The following SLC4A4 variants were observed in gnomAD, a reference collection of about 807,000 sequenced individuals.
The protein encoded by SLC4A4 is solute carrier family 4 member 4.
SLC4A4 carries 27 observed loss-of-function variants against 111.5 expected under a neutral mutation model. That is an observed-to-expected ratio of 0.24 (90% CI 0.18 to 0.33). SLC4A4 has a LOEUF of 0.33. Among genes scored for constraint, SLC4A4 ranks in the 10% least tolerant of loss-of-function variants. SLC4A4 has a pLI of 1.00. For missense variants in SLC4A4, 909 were observed against 1,315.5 expected (o/e 0.69, Z 4.78); for synonymous variants, 443 against 463.4 (o/e 0.96, Z 0.57).
chr4:71,132,871 T>C (rs1018138536), intron 2 of SLC4A4, among the ~76,000 whole-genome samples: 27 of 152,180 alleles, frequency 1.8e-4, no homozygotes, highest in African/African-American at 6.3e-4. Flanking sequence ...AGTACATGCA[T>C]GTGTGTATCA....
intron 1 of SLC4A4, among the ~76,000 whole-genome samples, chr4:71,084,648 T>C (rs1055105708): frequency 6.6e-6 from 1 of 151,986 alleles, no homozygotes; most frequent in Non-Finnish European, 1.5e-5. Flanking sequence ...AGTAAGAACA[T>C]GCGGTGTTTG....
intron 14 of SLC4A4, among the ~76,000 whole-genome samples, chr4:71,480,126 A>G (rs1177867043): frequency 6.7e-6 from 1 of 150,354 alleles, no homozygotes; most frequent in Non-Finnish European, 1.5e-5. Context: ...GGCTCAAGTG[A>G]TCCTCCCACC....
At chr4:71,086,399 T>C (rs905788986) in intron 1 of SLC4A4, among the ~76,000 whole-genome samples, 4 of 151,922 alleles carry the variant, frequency 2.6e-5, no homozygotes, top group South Asian at 4.1e-4. Context: ...CCTTTATTTC[T>C]TTCTCCTGCC....
At chr4:71,469,624 A>G (rs1201273158) in intron 13 of SLC4A4, among the ~76,000 whole-genome samples, 2 of 151,976 alleles carry the variant, frequency 1.3e-5, no homozygotes, top group Non-Finnish European at 2.9e-5. Flanking sequence ...TGCTGTTTAA[A>G]TTTGGCACCA....
chr4:71,274,223 AG>A (rs1722908030), intron 3 of SLC4A4, among the ~76,000 whole-genome samples: 1 of 152,218 alleles, frequency 6.6e-6, no homozygotes. Context: ...CTACTGATTA[AG>A]TGGAAGTGGA....
At chr4:71,136,736 T>C (rs1185465441) in intron 2 of SLC4A4, among the ~76,000 whole-genome samples, 2 of 152,176 alleles carry the variant, frequency 1.3e-5, no homozygotes, top group African/African-American at 2.4e-5. Flanking sequence ...CAGTACTACC[T>C]CAAGGAGTGT....
At chr4:71,081,952 G>T (rs1327572024) in intron 1 of SLC4A4, among the ~76,000 whole-genome samples, 1 of 152,054 alleles carries the variant, frequency 6.6e-6, no homozygotes, top group Non-Finnish European at 1.5e-5. Flanking sequence ...GGTCCCCAGT[G>T]TCTGTGCTAT....
At chr4:71,430,948 A>G (rs1465627098) in intron 7 of SLC4A4, among the ~76,000 whole-genome samples, 1 of 152,130 alleles carries the variant, frequency 6.6e-6, no homozygotes, top group Non-Finnish European at 1.5e-5. Flanking sequence ...TCTTTTGTCC[A>G]CATATGTGGC....
At chr4:71,537,739 T>C (rs370269070) in intron 18 of SLC4A4, among the ~76,000 whole-genome samples, 12 of 151,950 alleles carry the variant, frequency 7.9e-5, no homozygotes, top group African/African-American at 2.7e-4. Context: ...GAGTATGCCA[T>C]GTTTAGAGTG....
At chr4:71,420,639 A>T (rs1425606070) in intron 7 of SLC4A4, among the ~76,000 whole-genome samples, 2 of 152,150 alleles carry the variant, frequency 1.3e-5, no homozygotes, top group Admixed American at 1.3e-4. Context: ...CGGATCTCTC[A>T]TCAGAAACCC....
intron 2 of SLC4A4, among the ~76,000 whole-genome samples, chr4:71,253,426 C>T (rs942696148): frequency 1.7e-4 from 26 of 151,906 alleles, no homozygotes; most frequent in South Asian, 4.2e-4. Context: ...TTTGCTTAGC[C>T]GCCATATTTA....
At chr4:71,481,606 G>A (rs1373912698) in intron 14 of SLC4A4, among the ~76,000 whole-genome samples, 1 of 151,610 alleles carries the variant, frequency 6.6e-6, no homozygotes, top group African/African-American at 2.4e-5. Flanking sequence ...TTCCATTATT[G>A]GAATGCTAAG....
intron 1 of SLC4A4, among the ~76,000 whole-genome samples, chr4:71,077,869 C>T (rs931588303): frequency 6.6e-6 from 1 of 152,130 alleles, no homozygotes; most frequent in African/African-American, 2.4e-5. Flanking sequence ...AGCATTTTCC[C>T]ATACATTAAC....
At chr4:71,139,245 C>G (rs977476553) in intron 2 of SLC4A4, among the ~76,000 whole-genome samples, 20 of 148,016 alleles carry the variant, frequency 1.4e-4, no homozygotes, top group African/African-American at 4.8e-4. Context: ...GACCTCACTC[C>G]CACTTAGCAA....
intron 1 of SLC4A4, among the ~76,000 whole-genome samples, chr4:71,067,883 G>A (rs1440575973): frequency 6.6e-6 from 1 of 151,794 alleles, no homozygotes; most frequent in East Asian, 1.9e-4. Flanking sequence ...GAGTAGCTGG[G>A]ACTACAGGCC....
At chr4:71,551,402 G>T (rs1735982340) in intron 20 of SLC4A4, among the ~76,000 whole-genome samples, 1 of 151,886 alleles carries the variant, frequency 6.6e-6, no homozygotes, top group South Asian at 2.1e-4. Context: ...TGGTAGAGAT[G>T]ATGGTAATGG....
chr4:71,080,983 TC>T (rs1175372980), intron 1 of SLC4A4, among the ~76,000 whole-genome samples: 1 of 152,118 alleles, frequency 6.6e-6, no homozygotes. Flanking sequence ...CCTGCTTCCT[TC>T]CTTTACTAAA....
At chr4:71,326,645 CT>C (rs1727524809) in intron 3 of SLC4A4, among the ~76,000 whole-genome samples, 1 of 152,036 alleles carries the variant, frequency 6.6e-6, no homozygotes, top group Admixed American at 6.6e-5. Context: ...ATTATCATCT[CT>C]GAAAAAGAGT....
At chr4:71,457,402 G>C (rs1420590658) in intron 12 of SLC4A4, among the ~76,000 whole-genome samples, 2 of 152,068 alleles carry the variant, frequency 1.3e-5, no homozygotes, top group African/African-American at 4.8e-5. Context: ...CTTACAGAAT[G>C]GGTATTCACA....
Sources: allele counts gnomAD v4.1 joint callset (sites outside exome capture counted in the v4.1 genomes callset), GRCh38; gene constraint gnomAD v4.1.1; transcripts MANE v1.5; gene names NCBI Gene and HGNC (gene_info 2026-07-23, HGNC 2026-07-21).